ASTN1: variants seen among roughly 807,000 people sequenced by gnomAD.
The protein encoded by ASTN1 is astrotactin-1.
A neutral mutation model predicts 140.7 loss-of-function variants in ASTN1; 41 were observed. The ratio of observed to expected loss-of-function variants is 0.29; its 90% CI spans 0.23 to 0.38. The LOEUF (loss-of-function observed/expected upper bound fraction) is 0.38, where lower values mean the gene tolerates loss of function less well. ASTN1 is among the 10% of genes least tolerant of loss of function. ASTN1 has a pLI of 1.00. For missense variants in ASTN1, 1,479 were observed against 1,678.8 expected, an observed-to-expected ratio of 0.88 and a Z score of 2.08; for synonymous variants, 640 against 652.2, an observed-to-expected ratio of 0.98 and a Z score of 0.29.
rs541227116 is a variant in ASTN1, at chr1:177,150,422, T to G, written c.283+13972A>C. On this transcript the variant is annotated intron_variant, in intron 1 of 22. Coordinates refer to ENST00000361833, the MANE Select transcript of ASTN1 (RefSeq NM_004319.3). ...GGGAAATTGATCTACCTCTGGACAT[T>G]TGACTGGTAGATGCTGTATAATGAC... Among the ~76,000 whole-genome samples, 11 of 152,220 alleles carry G rather than the reference T, an allele frequency of 7.2e-5. 1 individual carries two copies. In the South Asian group the frequency reaches 2.3e-3, roughly 32 times the overall value.
chr1:177,094,484 CT>C (rs568280110), intron 1 of ASTN1, among the ~76,000 whole-genome samples: 22 of 152,300 alleles, frequency 1.4e-4, no homozygotes, highest in African/African-American at 4.6e-4. Context: ...AAAGAGCTGC[CT>C]TACCCCTTTC....
At chr1:177,022,087 C>T (rs371524386) in intron 7 of ASTN1, among the ~76,000 whole-genome samples, 4 of 152,264 alleles carry the variant, frequency 2.6e-5, no homozygotes, top group African/African-American at 7.2e-5. Context: ...ACTTTAACAC[C>T]TAAGATGGTG....
At chr1:177,125,220 G>T (rs1681584673) in intron 1 of ASTN1, among the ~76,000 whole-genome samples, 1 of 152,212 alleles carries the variant, frequency 6.6e-6, no homozygotes, top group Non-Finnish European at 1.5e-5. Flanking sequence ...ATGGGAATTT[G>T]CCTGAGTCTT....
intron 8 of ASTN1, chr1:176,981,556 A>G (rs1340216072): frequency 6.6e-6 from 1 of 152,396 alleles, no homozygotes; most frequent in Non-Finnish European, 1.5e-5. Context: ...GGAGAATGCC[A>G]CAAGAAGACG....
chr1:177,045,945 A>G (rs1677198626), intron 2 of ASTN1, among the ~76,000 whole-genome samples: 1 of 152,190 alleles, frequency 6.6e-6, no homozygotes, highest in African/African-American at 2.4e-5. Context: ...GGTAAAAATA[A>G]AAGTACCTTC....
At chr1:176,903,419 G>A (rs61813265) in intron 16 of ASTN1, among the ~76,000 whole-genome samples, 3,250 of 152,194 alleles carry the variant, frequency 0.021, 49 homozygotes, top group Non-Finnish European at 0.033. Context: ...GCCAGTGCTT[G>A]GCTTTATGGC....
chr1:177,001,794 AC>A (rs1674739490), intron 8 of ASTN1, among the ~76,000 whole-genome samples: 1 of 152,242 alleles, frequency 6.6e-6, no homozygotes, highest in Non-Finnish European at 1.5e-5. Flanking sequence ...CATGCAAAGT[AC>A]AATGGCTCAC....
At chr1:176,918,758 A>G (rs1670600400) in intron 16 of ASTN1, among the ~76,000 whole-genome samples, 1 of 152,142 alleles carries the variant, frequency 6.6e-6, no homozygotes, top group African/African-American at 2.4e-5. Flanking sequence ...AGGGATTCAA[A>G]GAACAAAAAT....
chr1:176,942,866 A>ATATATATAT (rs1385017638), intron 14 of ASTN1, among the ~76,000 whole-genome samples: 141 of 69,784 alleles, frequency 2.0e-3, no homozygotes, highest in Non-Finnish European at 3.0e-3. Flanking sequence ...ATATATATAT[A>ATATATATAT]GATTGATGTC....
rs146508363 is a variant in ASTN1 at position 176,999,005 on chromosome 1, T to C, written c.1523+15786A>G. On this transcript the variant is annotated intron_variant, in intron 8 of 22. Coordinates refer to ENST00000361833, the MANE Select transcript of ASTN1 (RefSeq NM_004319.3). ...TTAAAATATGTAGAACTCTTAGAAG[T>C]GTGCTAGGCACAGAGTAAACTGACA... Among the ~76,000 whole-genome samples the C allele has an allele frequency of 6.4e-3, 972 of 152,342 alleles. 15 individuals carry two copies. The highest frequency in any genetic ancestry group is 0.021 in the African/African-American group (868 of 41,586).
At chr1:177,006,027 A>G (rs1467990131) in intron 8 of ASTN1, among the ~76,000 whole-genome samples, 1 of 152,122 alleles carries the variant, frequency 6.6e-6, no homozygotes, top group Non-Finnish European at 1.5e-5. Flanking sequence ...TGTTCCTACA[A>G]CCTCTTATTA....
intron 15 of ASTN1, 84 bp from the exon 16 acceptor site, chr1:176,934,424 G>T: frequency 7.4e-7 from 1 of 1,358,966 alleles, no homozygotes; most frequent in South Asian, 1.5e-5. Context: ...TCCCAAACAT[G>T]GAAGTGCCTG....
intron 1 of ASTN1, among the ~76,000 whole-genome samples, chr1:177,130,607 T>C (rs766488474): frequency 1.3e-5 from 2 of 152,172 alleles, no homozygotes; most frequent in Non-Finnish European, 2.9e-5. Context: ...AGCTGTAATC[T>C]GGTTTTCTGC....
chr1:176,904,084 A>C (rs1041252143), intron 16 of ASTN1, among the ~76,000 whole-genome samples: 1 of 152,186 alleles, frequency 6.6e-6, no homozygotes, highest in Non-Finnish European at 1.5e-5. Flanking sequence ...TTGCAAAAAC[A>C]GGTCACATTC....
At chr1:177,125,602 A>C (rs1349815760) in intron 1 of ASTN1, among the ~76,000 whole-genome samples, 3 of 152,194 alleles carry the variant, frequency 2.0e-5, no homozygotes, top group African/African-American at 4.8e-5. Context: ...TTAATGATAA[A>C]AATAGGTATA....
At chr1:176,941,937 A>G (rs1006565655) in intron 14 of ASTN1, among the ~76,000 whole-genome samples, 3 of 152,130 alleles carry the variant, frequency 2.0e-5, no homozygotes, top group Non-Finnish European at 4.4e-5. Flanking sequence ...GGCTTTAGGG[A>G]TATGTCCGGA....
intron 14 of ASTN1, among the ~76,000 whole-genome samples, chr1:176,936,826 C>A (rs1254272758): frequency 1.3e-5 from 2 of 152,116 alleles, no homozygotes; most frequent in Non-Finnish European, 2.9e-5. Context: ...CTGAGATGAC[C>A]CCTTGCTTCC....
In ASTN1 at chr1:176,886,705, C is replaced by T. The variant is rs554328192; in HGVS notation, c.3074+1366G>A. Among the ~76,000 whole-genome samples, 478 of 152,322 alleles carry T rather than the reference C, an allele frequency of 3.1e-3. 1 individual carries two copies. The highest frequency in any genetic ancestry group is 0.011 in the African/African-American group (458 of 41,576). On this transcript the variant is annotated intron_variant, in intron 18 of 22. Coordinates refer to ENST00000361833, the MANE Select transcript of ASTN1 (RefSeq NM_004319.3). ...GATTTCTTCTTGCTCTGTCCTGGCC[C>T]TTTAGTGCCTACCCGCACCTGCATG...
intron 16 of ASTN1, among the ~76,000 whole-genome samples, chr1:176,928,787 T>A (rs978491587): frequency 6.6e-6 from 1 of 152,094 alleles, no homozygotes; most frequent in African/African-American, 2.4e-5. Context: ...TAGGAGGCAA[T>A]GCAAAAATGC....
Sources: allele counts gnomAD v4.1 joint callset (sites outside exome capture counted in the v4.1 genomes callset), GRCh38; gene constraint gnomAD v4.1.1; transcripts MANE v1.5; gene names NCBI Gene and HGNC (gene_info 2026-07-23, HGNC 2026-07-21).